Variants in PLA2G2E observed in about 807,000 individuals in gnomAD.
PLA2G2E encodes the protein phospholipase A2 group IIE.
PLA2G2E carries 14 observed loss-of-function variants against 16.5 expected under a neutral mutation model. The observed-to-expected ratio is 0.85, with a 90% CI of 0.56 to 1.33. The LOEUF (loss-of-function observed/expected upper bound fraction) is 1.33. Ranked by LOEUF, PLA2G2E falls within the 40% of genes most tolerant of loss-of-function variation. The probability of loss-of-function intolerance (pLI) is 0.00; values close to 1 mark genes in which losing one functional copy is unlikely to be tolerated. For missense variants in PLA2G2E, 174 were observed against 190.7 expected (o/e 0.91, Z 0.52); for synonymous variants, 72 against 77.2 (o/e 0.93, Z 0.36).
intron 1 of PLA2G2E, 115 bp from the exon 2 acceptor site, chr1:19,922,870 A>C (rs1571199590): frequency 3.7e-5 from 45 of 1,232,714 alleles, no homozygotes; most frequent in Non-Finnish European, 4.8e-5. Flanking sequence ...AGTTAAGCTC[A>C]CCTCCCCAAA....
At chr1:19,922,103 G>A (rs377233226) in intron 3 of PLA2G2E, among the ~76,000 whole-genome samples, 195 bp downstream of exon 3, 1 of 152,170 alleles carries the variant, frequency 6.6e-6, no homozygotes, top group Admixed American at 6.5e-5. Context: ...GATGGGGTAC[G>A]GGCTTCTCTG....
In PLA2G2E at chr1:19,921,329, G is replaced by C. The variant is rs140604852; in HGVS notation, c.287-880C>G. Among the ~76,000 whole-genome samples the C allele has an allele frequency of 6.6e-3, 1,001 of 152,320 alleles. 14 individuals are homozygous for C. The highest frequency in any genetic ancestry group is 0.023 in the African/African-American group (956 of 41,566). ...CCAGGAGCTGGGCTGAGCTGGGGAA[G>C]TGGGTATAAGCCTCTCCGTTTTCTA... On this transcript the variant is annotated intron_variant, in intron 3 of 3. Transcript: ENST00000375116.
At chr1:19,922,970 G>A (rs760176391) in intron 1 of PLA2G2E, among the ~76,000 whole-genome samples, 23 of 152,178 alleles carry the variant, frequency 1.5e-4, no homozygotes, top group Non-Finnish European at 3.1e-4. Flanking sequence ...CTCTCCTCCA[G>A]TGTGTCAGCG....
chr1:19,922,604 G>A lies in PLA2G2E; in HGVS notation c.179+13C>T, dbSNP rs199793493. On this transcript the variant is annotated intron_variant, in intron 2 of 3. Transcript: ENST00000375116. ...CATCCCCATGGAGGTCCCCCTGCAG[G>A]CTGCTTCCTCACCAGTCAGTCTGGT... is the stretch of plus-strand genomic sequence containing the variant. The A allele has an allele frequency of 5.0e-6, 8 of 1,613,546 alleles. 1 individual carries two copies. The South Asian group carries it at 8.8e-5, about 18-fold the overall frequency.
intron 1 of PLA2G2E, among the ~76,000 whole-genome samples, 174 bp downstream of exon 1, chr1:19,923,346 C>T (rs2045834135): frequency 6.6e-6 from 1 of 152,268 alleles, no homozygotes; most frequent in African/African-American, 2.4e-5. Context: ...CCCTCTGCTC[C>T]AGCCACCGCT....
rs769258102 is a variant in PLA2G2E at position 19,920,448 on chromosome 1, G to T, written c.288C>A (p.Ala96=). The stretch of plus-strand genomic sequence containing the variant: ...TCAGCCGCTGGCAGGTGGTCCTGCC[G>T]GCTGGATGGGACAAAGTGAGTCAGG... ...FSVSERGIFC[A]GRTTCQRLTC... is the part of the protein sequence containing the mutation. Residue 96 remains alanine (A), a splice_region_variant and synonymous_variant, in exon 4 of 4, where the codon GCC becomes GCA. Transcript: ENST00000375116. This position sits in a 1 kb window ranked among gnomAD's most constrained non-coding sequence, Gnocchi z 4.3. 1.9e-6 allele frequency: 3 copies of T among 1,613,220 alleles called. No individual in the cohort carries two copies. In the South Asian group the frequency reaches 3.3e-5, roughly 18 times the overall value.
Position 19,922,260 on chromosome 1 carries a change from C to G in PLA2G2E, c.286+38G>C, listed in dbSNP as rs377586573. ...CTTAAGCTGCCTCCACCCACCTCAC[C>G]GCAGGGTGTCTAGGTCACTTCAGGG... is the stretch of plus-strand genomic sequence containing the variant. On this transcript the variant is annotated intron_variant, in intron 3 of 3. Transcript: ENST00000375116. 4.1e-4 allele frequency: 598 copies of G among 1,460,178 alleles called. 3 individuals are homozygous for G. The highest frequency in any genetic ancestry group is 1.7e-4 in the Middle Eastern group (1 of 5,774). The allele number at this position is 1,460,178 out of a possible 1,614,324, so 90.5% of individuals were successfully genotyped here. A position where few individuals can be genotyped will look rare whatever the true frequency, so the allele number is the denominator to read the frequency against.
chr1:19,922,529 C>G (rs2045824281), intron 2 of PLA2G2E, 88 bp downstream of exon 2: 2 of 1,569,784 alleles, frequency 1.3e-6, no homozygotes, highest in South Asian at 1.1e-5. Flanking sequence ...CCAGGTGCCC[C>G]CAGGCTTCCC....
In PLA2G2E at chr1:19,922,782, A is replaced by AGGGAGGGCCCC. The variant is rs1571199518; in HGVS notation, c.41-38_41-28dup. The AGGGAGGGCCCC allele has an allele frequency of 1.9e-6, 3 of 1,610,634 alleles. No individual in the cohort carries two copies. In the Middle Eastern group the frequency reaches 5.0e-4, roughly 266 times the overall value. ...TGCAGAGAGGGAGAGGGAGAGGGAG[A>AGGGAGGGCCCC]GGGAGGGCCCCACCCTCTGCAGCCA... On this transcript the variant is annotated intron_variant, in intron 1 of 3. Coordinates refer to ENST00000375116, the MANE Select transcript of PLA2G2E (RefSeq NM_014589.3).
Position 19,922,630 on chromosome 1 carries a change from C to A in PLA2G2E, c.166G>T (p.Asp56Tyr). Residue 56 changes from aspartate to tyrosine, a missense_variant, in exon 2 of 4, where the codon GAC (aspartate) becomes TAC (tyrosine). By Grantham distance (160) the Asp-to-Tyr change is radical (BLOSUM62 -3). Coordinates refer to ENST00000375116, the MANE Select transcript of PLA2G2E (RefSeq NM_014589.3). ...CGIGGSHWPV[D>Y]QTDWCCHAHD... ...CTGCTTCCTCACCAGTCAGTCTGGTCCACCGGCCAGTGGGAGCCACCGATG... is the reference window on the plus strand; with the variant it reads ...CTGCTTCCTCACCAGTCAGTCTGGTACACCGGCCAGTGGGAGCCACCGATG... 6.2e-7 allele frequency: 1 copy of A among 1,614,016 alleles called. No individual in the cohort carries two copies. Among genetic ancestry groups the A allele is most frequent in the Non-Finnish European group, 8.5e-7 (1 of 1,179,964 alleles).
chr1:19,923,375 C>T (rs2045834386), intron 1 of PLA2G2E, 145 bp downstream of exon 1: 1 of 699,240 alleles, frequency 1.4e-6, no homozygotes, highest in African/African-American at 1.8e-5. Context: ...CAAAACTGGC[C>T]TCAGGGTCAC....
intron 3 of PLA2G2E, among the ~76,000 whole-genome samples, chr1:19,921,689 T>C (rs561497478): frequency 6.6e-6 from 1 of 152,348 alleles, no homozygotes; most frequent in Admixed American, 6.5e-5. Context: ...CTGCCCTTCT[T>C]TCAGGCTGCT....
chr1:19,922,395 GTGGCAGCACC>G lies in PLA2G2E; in HGVS notation c.180-1_188del. Reference sequence around the variant, plus strand: ...GACGCCCGTAGCAGCAGTCGTGGGCGTGGCAGCACCTGTAAGGGTCATGGTTGACCTGGAG... The same window carrying G: ...GACGCCCGTAGCAGCAGTCGTGGGCGTGTAAGGGTCATGGTTGACCTGGAG... On this transcript the variant is annotated splice_acceptor_variant and coding_sequence_variant, in exon 3 of 4. Coordinates refer to ENST00000375116, the MANE Select transcript of PLA2G2E (RefSeq NM_014589.3). LOFTEE classifies it high-confidence loss of function. 1 of 1,613,710 alleles carries G rather than the reference GTGGCAGCACC, an allele frequency of 6.2e-7. No homozygotes were observed. Among genetic ancestry groups the G allele is most frequent in the Non-Finnish European group, 8.5e-7 (1 of 1,179,658 alleles).
chr1:19,920,538 C>A lies in PLA2G2E; in HGVS notation c.287-89G>T. 1 of 1,321,152 alleles carries A rather than the reference C, an allele frequency of 7.6e-7. No individual in the cohort carries two copies. The highest frequency in any genetic ancestry group is 1.1e-6 in the Non-Finnish European group (1 of 950,792). 81.8% of individuals were successfully genotyped at this position (1,321,152 alleles called of 1,614,324 possible). A position where few individuals can be genotyped will look rare whatever the true frequency, so the allele number is the denominator to read the frequency against. ...CTGCTTCTGGGTCCACGTTCTTGAC[C>A]TGGACCAACTCCATTCTGATGGAAG... On this transcript the variant is annotated intron_variant, in intron 3 of 3. Transcript: ENST00000375116. The surrounding 1 kb of genome is among the most constrained non-coding windows in gnomAD (Gnocchi z 4.3).
chr1:19,923,437 C>T lies in PLA2G2E; in HGVS notation c.40+83G>A, dbSNP rs867292165. On this transcript the variant is annotated intron_variant, in intron 1 of 3. Coordinates refer to ENST00000375116, the MANE Select transcript of PLA2G2E (RefSeq NM_014589.3). The stretch of plus-strand genomic sequence containing the variant: ...CAGTGTTTGGCATCCACCACACCCT[C>T]GGTAGGGCCAGGCTCAGGGGCATCC... 55 of 1,230,800 alleles carry T rather than the reference C, an allele frequency of 4.5e-5. 1 individual carries two copies. In the South Asian group the frequency reaches 5.0e-4, roughly 11 times the overall value. 76.2% of individuals were successfully genotyped at this position (1,230,800 alleles called of 1,614,324 possible). A position where few individuals can be genotyped will look rare whatever the true frequency, so the allele number is the denominator to read the frequency against.
At chr1:19,923,198 G>C (rs1197798838) in intron 1 of PLA2G2E, among the ~76,000 whole-genome samples, 5 of 152,202 alleles carry the variant, frequency 3.3e-5, no homozygotes. Context: ...ACTCAGCCAT[G>C]GGACTGAATC....
In PLA2G2E at chr1:19,920,576, G is replaced by C; in HGVS notation, c.287-127C>G. On this transcript the variant is annotated intron_variant, in intron 3 of 3. Coordinates refer to ENST00000375116, the MANE Select transcript of PLA2G2E (RefSeq NM_014589.3). The surrounding 1 kb of genome is among the most constrained non-coding windows in gnomAD (Gnocchi z 4.3). ...ATTCTGATGGAAGCCCAAGCTCCCG[G>C]GTTGTTTCACGGATGGGTGAGACAA... The C allele has an allele frequency of 2.1e-6, 2 of 965,916 alleles. No individual in the cohort carries two copies. The highest frequency in any genetic ancestry group is 3.0e-6 in the Non-Finnish European group (2 of 657,674). 59.8% of individuals were successfully genotyped at this position (965,916 alleles called of 1,614,324 possible).
At chr1:19,923,434 C>T in intron 1 of PLA2G2E, 86 bp downstream of exon 1, 3 of 1,206,678 alleles carry the variant, frequency 2.5e-6, no homozygotes, top group East Asian at 2.7e-5. Flanking sequence ...TCCACCACAC[C>T]CTCGGTAGGG....
intron 3 of PLA2G2E, among the ~76,000 whole-genome samples, chr1:19,921,447 TG>T (rs1382859741): frequency 1.3e-5 from 2 of 152,194 alleles, no homozygotes; most frequent in Non-Finnish European, 2.9e-5. Context: ...CCAGAGCTTG[TG>T]TCTCCACCCA....
Sources: gnomAD v4.1 joint callset for allele counts (sites outside exome capture counted in the v4.1 genomes callset) on GRCh38, gnomAD v4.1.1 for gene constraint, Gnocchi (gnomAD v3.1) non-coding constraint, MANE v1.5 for transcripts, NCBI Gene and HGNC (gene_info 2026-07-23, HGNC 2026-07-21) for gene names.